The following TNRC18 variants were observed in gnomAD, a reference collection of about 807,000 sequenced individuals.
TNRC18 encodes trinucleotide repeat containing 18.
TNRC18 carries 69 observed loss-of-function variants against 226.7 expected under a neutral mutation model. That is an observed-to-expected ratio of 0.30 (90% CI 0.25 to 0.37). TNRC18 has a LOEUF of 0.37. Ranked by LOEUF, TNRC18 falls within the 10% of genes least tolerant of loss-of-function variation. The pLI is 1.00. For missense variants in TNRC18, 4,754 were observed against 4,256.6 expected (o/e 1.12, Z -3.25); for synonymous variants, 2,449 against 1,927.6 (o/e 1.27, Z -7.09).
At chr7:5,313,912 G>A (rs1045341813) in intron 26 of TNRC18, 49 bp from the exon 27 acceptor site, 7 of 1,420,570 alleles carry the variant, frequency 4.9e-6, no homozygotes, top group Non-Finnish European at 6.4e-6. Flanking sequence ...TCCTGGCAGA[G>A]ATGAGCTGTG....
chr7:5,345,516 C>CGGGGGGCGG, intron 18 of TNRC18, 46 bp downstream of exon 18: 2 of 354,366 alleles, frequency 5.6e-6, no homozygotes, highest in Non-Finnish European at 1.0e-5. Flanking sequence ...CAATGGCGTC[C>CGGGGGGCGG]GCCCCTCCCA....
At chr7:5,308,555 G>C (rs182345259) in intron 29 of TNRC18, among the ~76,000 whole-genome samples, 6 of 152,292 alleles carry the variant, frequency 3.9e-5, no homozygotes, top group Non-Finnish European at 7.3e-5. Flanking sequence ...GAGAGACAGA[G>C]ACCGAGATCG....
chr7:5,420,346 G>A (rs897790019), intron 2 of TNRC18: 6 of 455,746 alleles, frequency 1.3e-5, no homozygotes, highest in African/African-American at 6.0e-5. Flanking sequence ...GTTCGGGACC[G>A]CGATGGTCCG....
Position 5,394,620 on chromosome 7 carries a change from G to C in TNRC18, c.188-25C>G. 6.5e-7 allele frequency: 1 copy of C among 1,529,632 alleles called. No individual in the cohort carries two copies. The highest frequency in any genetic ancestry group is 8.8e-7 in the Non-Finnish European group (1 of 1,138,692). The allele number at this position is 1,529,632 out of a possible 1,614,324, so 94.8% of individuals were successfully genotyped here. A position where few individuals can be genotyped will look rare whatever the true frequency, so the allele number is the denominator to read the frequency against. On this transcript the variant is annotated intron_variant, in intron 2 of 29. Transcript: ENST00000430969. This position sits in a 1 kb window ranked among gnomAD's most constrained non-coding sequence, Gnocchi z 4.5. ...CCTGCAGAGAGAAGTTGGGAGGACCGTCAGGCAGACAACCAGGGAGGCGCC... is the reference window on the plus strand; with the variant it reads ...CCTGCAGAGAGAAGTTGGGAGGACCCTCAGGCAGACAACCAGGGAGGCGCC...
Position 5,374,871 on chromosome 7 carries a change from C to T in TNRC18, c.2800-387G>A, listed in dbSNP as rs78643827. On this transcript the variant is annotated intron_variant, in intron 9 of 29. Coordinates refer to ENST00000430969, the MANE Select transcript of TNRC18 (RefSeq NM_001080495.3). ...TGGGCGCACTCACTACCTGCTAAAC[C>T]TTCCTGCTTCACTGCGTCATCATTT... Among the ~76,000 whole-genome samples the T allele has an allele frequency of 9.0e-3, 1,367 of 152,366 alleles. 21 individuals carry two copies. Among genetic ancestry groups the T allele is most frequent in the African/African-American group, 0.031 (1,300 of 41,590 alleles).
Position 5,356,934 on chromosome 7 carries a change from C to T in TNRC18, c.5176G>A (p.Val1726Met). ...TACTTACTGTAAGAGTAGCTGCTCACTTCCGAGGCAAACGGGGAATGGGCC... is the reference window on the plus strand; with the variant it reads ...TACTTACTGTAAGAGTAGCTGCTCATTTCCGAGGCAAACGGGGAATGGGCC... ...KSAHSPFASE[V>M]SSYSYNTDSE... The change falls in exon 16 of 30, where the codon GTG (valine) becomes ATG (methionine). Residue 1726 changes from valine to methionine, a missense_variant. Coordinates refer to ENST00000430969, the MANE Select transcript of TNRC18 (RefSeq NM_001080495.3). The T allele has an allele frequency of 1.3e-6, 2 of 1,548,950 alleles. No homozygotes were observed. Among genetic ancestry groups the T allele is most frequent in the Non-Finnish European group, 1.7e-6 (2 of 1,145,556 alleles).
chr7:5,377,064 C>T lies in TNRC18; in HGVS notation c.2462-71G>A, dbSNP rs1779033327. ...GCGGTTTGTCCTCGGGCAGCCCCAGCCCAGCACCACCTCCCAAGTCCTGAA... is the reference window on the plus strand; with the variant it reads ...GCGGTTTGTCCTCGGGCAGCCCCAGTCCAGCACCACCTCCCAAGTCCTGAA... On this transcript the variant is annotated intron_variant, in intron 7 of 29. Transcript: ENST00000430969. The surrounding 1 kb of genome is among the most constrained non-coding windows in gnomAD (Gnocchi z 5.8). The T allele has an allele frequency of 6.6e-7, 1 of 1,520,794 alleles. No individual in the cohort carries two copies. The highest frequency in any genetic ancestry group is 8.8e-7 in the Non-Finnish European group (1 of 1,136,018). The allele number at this position is 1,520,794 out of a possible 1,614,324, so 94.2% of individuals were successfully genotyped here.
chr7:5,345,519 C>CCCCCCCCCCCCCCCCCCCCCCCCCCCCCA, intron 18 of TNRC18, 43 bp downstream of exon 18: 3 of 174,074 alleles, frequency 1.7e-5, no homozygotes, highest in Non-Finnish European at 3.6e-5. Context: ...TGGCGTCCGC[C>CCCCCCCCCCCCCCCCCCCCCCCCCCCCCA]CCTCCCACCC....
chr7:5,405,235 C>A (rs1781385957), intron 2 of TNRC18, among the ~76,000 whole-genome samples: 1 of 152,162 alleles, frequency 6.6e-6, no homozygotes, highest in African/African-American at 2.4e-5. Flanking sequence ...CAAGACCAGA[C>A]TGGCCAACAA....
At chr7:5,323,262 G>A (rs1442088720) in intron 21 of TNRC18, among the ~76,000 whole-genome samples, 2 of 152,020 alleles carry the variant, frequency 1.3e-5, no homozygotes, top group Non-Finnish European at 2.9e-5. Flanking sequence ...CAGCCTGGGC[G>A]TGACTTCCCG....
At chr7:5,395,519 G>A (rs941459654) in intron 2 of TNRC18, among the ~76,000 whole-genome samples, 15 of 152,206 alleles carry the variant, frequency 9.9e-5, no homozygotes, top group South Asian at 6.2e-4. Flanking sequence ...AGCCCCAAAC[G>A]CCATCCCCTC....
chr7:5,332,759 G>A lies in TNRC18; in HGVS notation c.6010C>T (p.Leu2004=), dbSNP rs1789674464. 6.6e-7 allele frequency: 1 copy of A among 1,520,148 alleles called. No homozygotes were observed. The highest frequency in any genetic ancestry group is 8.8e-7 in the Non-Finnish European group (1 of 1,140,076). 94.2% of individuals were successfully genotyped at this position (1,520,148 alleles called of 1,614,324 possible). The change falls in exon 19 of 30, where the codon CTG becomes TTG. Residue 2004 remains leucine, a synonymous_variant. Transcript: ENST00000430969. ...GGTGCAGCAGCCGAGGCGTCGTGCA[G>A]GAAGATGCGCTCGCTGCGGCGCCGC... ...WTRRRSERIF[L]HDASAAAPAP... is the part of the protein sequence containing the mutation.
intron 2 of TNRC18, among the ~76,000 whole-genome samples, chr7:5,412,362 A>C (rs1342891632): frequency 6.6e-6 from 1 of 151,992 alleles, no homozygotes; most frequent in African/African-American, 2.4e-5. Flanking sequence ...GATCACCTGA[A>C]GTCATGAGTT....
intron 2 of TNRC18, among the ~76,000 whole-genome samples, chr7:5,411,728 G>C (rs148746502): frequency 3.9e-4 from 60 of 152,206 alleles, no homozygotes; most frequent in African/African-American, 1.4e-3. Context: ...AGACACACAG[G>C]AGAGAGGCAA....
chr7:5,327,959 C>T (rs1439351883), intron 19 of TNRC18, among the ~76,000 whole-genome samples: 1 of 152,244 alleles, frequency 6.6e-6, no homozygotes, highest in East Asian at 1.9e-4. Context: ...CGGTGGCTCA[C>T]GCCTGTAATC....
chr7:5,368,492 A>G (rs1057147045), intron 11 of TNRC18, among the ~76,000 whole-genome samples: 29 of 151,864 alleles, frequency 1.9e-4, no homozygotes, highest in South Asian at 1.0e-3. Flanking sequence ...GTGAAACCCC[A>G]TCTCCACTAA....
intron 11 of TNRC18, among the ~76,000 whole-genome samples, 188 bp from the exon 12 acceptor site, chr7:5,363,013 G>A (rs1170066535): frequency 6.6e-6 from 1 of 152,252 alleles, no homozygotes; most frequent in Non-Finnish European, 1.5e-5. Context: ...CGGGGAGAAG[G>A]CCAGGCATGG....
At chr7:5,416,889 G>T (rs948740922) in intron 2 of TNRC18, among the ~76,000 whole-genome samples, 1 of 151,678 alleles carries the variant, frequency 6.6e-6, no homozygotes, top group African/African-American at 2.4e-5. Flanking sequence ...TACTCAAGAT[G>T]CCAAGGCAGG....
At chr7:5,319,888 G>C (rs1258700497) in intron 24 of TNRC18, among the ~76,000 whole-genome samples, 3 of 152,200 alleles carry the variant, frequency 2.0e-5, no homozygotes, top group Non-Finnish European at 2.9e-5. Flanking sequence ...ACGAATAAAA[G>C]GGAGGTGACC....
Sources: gnomAD v4.1 joint callset for allele counts (sites outside exome capture counted in the v4.1 genomes callset) on GRCh38, gnomAD v4.1.1 for gene constraint, Gnocchi (gnomAD v3.1) non-coding constraint, MANE v1.5 for transcripts, NCBI Gene and HGNC (gene_info 2026-07-23, HGNC 2026-07-21) for gene names.